The following GRM1 variants were observed in gnomAD, a reference collection of about 807,000 sequenced individuals.
The protein encoded by GRM1 is metabotropic glutamate receptor 1.
GRM1 carries 33 observed loss-of-function variants against 90.9 expected under a neutral mutation model. The ratio of observed to expected loss-of-function variants is 0.36; its 90% CI spans 0.28 to 0.49. The LOEUF is 0.49. GRM1 is among the 20% of genes least tolerant of loss of function. The pLI, the probability that GRM1 is intolerant of heterozygous loss-of-function variation, is 0.99. For synonymous variants in GRM1, 700 were observed against 613.2 expected, an observed-to-expected ratio of 1.14 and a Z score of -2.09; for missense variants, 1,190 against 1,534.3, an observed-to-expected ratio of 0.78 and a Z score of 3.75.
chr6:146,117,158 A>AT (rs985137618), intron 1 of GRM1, among the ~76,000 whole-genome samples: 39 of 145,916 alleles, frequency 2.7e-4, no homozygotes, highest in South Asian at 2.6e-3. Context: ...TTATTTATTT[A>AT]TTTTTTTTTT....
chr6:146,394,413 G>C (rs1776852436), intron 6 of GRM1, among the ~76,000 whole-genome samples: 1 of 152,078 alleles, frequency 6.6e-6, no homozygotes, highest in Non-Finnish European at 1.5e-5. Flanking sequence ...ATATACAAAG[G>C]AGAGTATGAT....
At position 146,159,633 on chromosome 6, in the gene GRM1, TCTCTCTCTCACA is replaced by T. The variant is rs752109672; in HGVS notation, c.950+38_950+49del. On this transcript the variant is annotated intron_variant, in intron 2 of 7. Coordinates refer to ENST00000282753, the MANE Select transcript of GRM1 (RefSeq NM_001278064.2). ...CTCTCTCTCTCTCTCTCTCTCTCTCTCTCTCTCTCACACACACACATGCACACACACACTTTG... is the reference window on the plus strand; with the variant it reads ...CTCTCTCTCTCTCTCTCTCTCTCTCTCACACACATGCACACACACACTTTG... The T allele has an allele frequency of 3.7e-6, 5 of 1,351,256 alleles. No individual in the cohort carries two copies. In the African/African-American group the frequency reaches 8.7e-5, roughly 24 times the overall value. The allele number at this position is 1,351,256 out of a possible 1,614,324, so 83.7% of individuals were successfully genotyped here.
intron 2 of GRM1, among the ~76,000 whole-genome samples, chr6:146,274,813 G>C (rs986190910): frequency 1.3e-5 from 2 of 152,120 alleles, no homozygotes; most frequent in Non-Finnish European, 2.9e-5. Context: ...AAATGCATCA[G>C]GACCAAGATG....
intron 5 of GRM1, among the ~76,000 whole-genome samples, chr6:146,375,747 T>C (rs1054219689): frequency 1.3e-5 from 2 of 152,128 alleles, no homozygotes; most frequent in African/African-American, 4.8e-5. Flanking sequence ...GATTATCTTT[T>C]GCCATCCTTT....
chr6:146,120,085 C>A (rs570725147), intron 1 of GRM1, among the ~76,000 whole-genome samples: 1 of 152,212 alleles, frequency 6.6e-6, no homozygotes, highest in South Asian at 2.1e-4. Flanking sequence ...ATGGAGTGTT[C>A]TTCCATTTGT....
At chr6:146,140,807 T>C (rs2128883911) in intron 1 of GRM1, among the ~76,000 whole-genome samples, 1 of 152,326 alleles carries the variant, frequency 6.6e-6, no homozygotes, top group South Asian at 2.1e-4. Flanking sequence ...TTGTTGTTTC[T>C]ATTTATATCT....
intron 2 of GRM1, among the ~76,000 whole-genome samples, chr6:146,167,415 T>C (rs1321519126): frequency 6.6e-6 from 1 of 152,124 alleles, no homozygotes; most frequent in Non-Finnish European, 1.5e-5. Context: ...AGGGGTGAGA[T>C]TATGGGTCAT....
chr6:146,429,820 A>T (rs1778344812), intron 7 of GRM1, among the ~76,000 whole-genome samples: 1 of 152,080 alleles, frequency 6.6e-6, no homozygotes, highest in African/African-American at 2.4e-5. Flanking sequence ...TACCCTCCTC[A>T]GGTTCCCAGG....
chr6:146,357,760 A>C (rs183890088), intron 5 of GRM1, 66 bp downstream of exon 5: 13 of 1,210,442 alleles, frequency 1.1e-5, no homozygotes, highest in Non-Finnish European at 1.2e-5. Context: ...ATTAGTAAAG[A>C]ACAACACAGA....
At chr6:146,338,468 T>C (rs946085864) in intron 3 of GRM1, among the ~76,000 whole-genome samples, 1 of 152,242 alleles carries the variant, frequency 6.6e-6, no homozygotes, top group Non-Finnish European at 1.5e-5. Context: ...GCCTCCACAG[T>C]TCACACATCC....
intron 6 of GRM1, among the ~76,000 whole-genome samples, chr6:146,390,297 T>C (rs1375878269): frequency 6.6e-6 from 1 of 152,016 alleles, no homozygotes; most frequent in Non-Finnish European, 1.5e-5. Context: ...TGTGGTTTTT[T>C]TTGGCTATGA....
intron 3 of GRM1, among the ~76,000 whole-genome samples, chr6:146,336,930 G>A (rs1043780951): frequency 6.6e-6 from 1 of 152,188 alleles, no homozygotes; most frequent in Non-Finnish European, 1.5e-5. Flanking sequence ...TGCCCACTCT[G>A]GGTACCCTCA....
At chr6:146,276,017 C>T (rs541032748) in intron 2 of GRM1, among the ~76,000 whole-genome samples, 1 of 151,944 alleles carries the variant, frequency 6.6e-6, no homozygotes, top group South Asian at 2.1e-4. Context: ...AGAGAGAGCA[C>T]AAAGGGTAAA....
At chr6:146,126,580 C>T (rs1776207778) in intron 1 of GRM1, among the ~76,000 whole-genome samples, 1 of 152,102 alleles carries the variant, frequency 6.6e-6, no homozygotes, top group African/African-American at 2.4e-5. Context: ...CTATTACAGA[C>T]ACATTTTTCA....
chr6:146,343,166 C>A (rs1223562570), intron 3 of GRM1, among the ~76,000 whole-genome samples: 1 of 152,006 alleles, frequency 6.6e-6, no homozygotes, highest in Admixed American at 6.6e-5. Context: ...TAACTTATTT[C>A]TCATAGTTCA....
chr6:146,066,762 CAGGCAGAGAG>C (rs1322811383), intron 1 of GRM1, among the ~76,000 whole-genome samples: 17 of 117,272 alleles, frequency 1.4e-4, no homozygotes, highest in African/African-American at 5.0e-4. Context: ...AATAGACAGA[CAGGCAGAGAG>C]AGAGAGAGAG....
At chr6:146,175,538 G>A (rs1325326020) in intron 2 of GRM1, among the ~76,000 whole-genome samples, 5 of 152,134 alleles carry the variant, frequency 3.3e-5, no homozygotes, top group African/African-American at 1.2e-4. Flanking sequence ...ACTTTGAGGA[G>A]CAGTCTATGA....
chr6:146,131,853 G>A (rs1184286333), intron 1 of GRM1, among the ~76,000 whole-genome samples: 2 of 152,182 alleles, frequency 1.3e-5, no homozygotes, highest in Non-Finnish European at 2.9e-5. Context: ...GCTGTAAAGA[G>A]AATAAACGGA....
intron 5 of GRM1, among the ~76,000 whole-genome samples, chr6:146,373,923 G>A (rs1775997704): frequency 6.6e-6 from 1 of 152,082 alleles, no homozygotes; most frequent in South Asian, 2.1e-4. Context: ...CTGATAGTGA[G>A]TATCCTTGTT....
Sources: gnomAD v4.1 joint callset for allele counts (sites outside exome capture counted in the v4.1 genomes callset) on GRCh38, gnomAD v4.1.1 for gene constraint, MANE v1.5 for transcripts, NCBI Gene and HGNC (gene_info 2026-07-23, HGNC 2026-07-21) for gene names.